Variants in CHN2 observed in about 807,000 individuals in gnomAD.
The protein encoded by CHN2 is beta-chimaerin.
In CHN2, 35 loss-of-function variants were observed where a neutral mutation model predicts 56.3. The ratio of observed to expected loss-of-function variants is 0.62; its 90% CI spans 0.47 to 0.82. The LOEUF (loss-of-function observed/expected upper bound fraction) is 0.82. Ranked by LOEUF, CHN2 falls within the 40% of genes least tolerant of loss-of-function variation. The pLI is 0.00. For synonymous variants in CHN2, 210 were observed against 212.8 expected (o/e 0.99, Z 0.12); for missense variants, 491 against 580.5 (o/e 0.85, Z 1.58).
intron 6 of CHN2, among the ~76,000 whole-genome samples, chr7:29,473,488 G>A (rs1353468054): frequency 8.0e-5 from 5 of 62,240 alleles, no homozygotes; most frequent in Non-Finnish European, 1.3e-4. Context: ...TTTTTTGTGT[G>A]TGTGTGTGTG....
rs373257142 is a variant in CHN2, at chr7:29,512,547, A to G, written c.1236-17A>G. 833 of 1,605,110 alleles carry G rather than the reference A, an allele frequency of 5.2e-4. 12 individuals are homozygous for G. The highest frequency in any genetic ancestry group is 4.6e-3 in the South Asian group (415 of 89,906). On this transcript the variant is annotated splice_polypyrimidine_tract_variant and intron_variant, in intron 12 of 12. Transcript: ENST00000222792. ...CAAGTCTCCATAATGTCTCTGTTCT[A>G]TATGTTTGTTTTGCAGGGTTACTAT... is the stretch of plus-strand genomic sequence containing the variant.
At chr7:29,320,340 G>A (rs1356556915) in intron 1 of CHN2, among the ~76,000 whole-genome samples, 1 of 152,082 alleles carries the variant, frequency 6.6e-6, no homozygotes, top group Non-Finnish European at 1.5e-5. Flanking sequence ...ATATCCATTT[G>A]TCACCCCCTC....
intron 1 of CHN2, among the ~76,000 whole-genome samples, chr7:29,244,431 A>G (rs192309223): frequency 2.6e-3 from 396 of 152,274 alleles, no homozygotes; most frequent in Non-Finnish European, 4.1e-3. Flanking sequence ...ATTTCAAAGC[A>G]AGCATTTTTG....
At chr7:29,236,177 AGAAGTACAAG>A (rs1187671204) in intron 1 of CHN2, among the ~76,000 whole-genome samples, 1 of 152,252 alleles carries the variant, frequency 6.6e-6, no homozygotes, top group African/African-American at 2.4e-5. Flanking sequence ...AAAGGAGTTT[AGAAGTACAAG>A]GAGAGCCTGA....
intron 6 of CHN2, among the ~76,000 whole-genome samples, chr7:29,472,589 GA>G (rs928433703): frequency 3.4e-5 from 5 of 148,982 alleles, no homozygotes; most frequent in South Asian, 2.1e-4. Flanking sequence ...TGGGCCAAGG[GA>G]AAAAAAAAGA....
intron 7 of CHN2, among the ~76,000 whole-genome samples, chr7:29,488,222 A>G: frequency 6.6e-6 from 1 of 152,204 alleles, no homozygotes; most frequent in East Asian, 1.9e-4. Flanking sequence ...CGTACATCTG[A>G]AAAGGGTCAC....
intron 6 of CHN2, among the ~76,000 whole-genome samples, chr7:29,444,336 A>T (rs1158496348): frequency 6.6e-6 from 1 of 152,170 alleles, no homozygotes; most frequent in Non-Finnish European, 1.5e-5. Flanking sequence ...ACCAAGAAGC[A>T]TTTGCCGATG....
chr7:29,432,784 GT>G (rs1236771242), intron 6 of CHN2, among the ~76,000 whole-genome samples: 6 of 152,138 alleles, frequency 3.9e-5, no homozygotes, highest in Non-Finnish European at 2.9e-5. Context: ...TCTCGTTGTT[GT>G]TTTGTTCATC....
rs1018057164 is a variant in CHN2, at chr7:29,352,540, G to A, written c.50-2085G>A. Among the ~76,000 whole-genome samples the A allele has an allele frequency of 6.6e-5, 10 of 152,140 alleles. 1 individual carries two copies. In the South Asian group the frequency reaches 1.2e-3, roughly 19 times the overall value. On this transcript the variant is annotated intron_variant, in intron 1 of 12. Coordinates refer to ENST00000222792, the MANE Select transcript of CHN2 (RefSeq NM_004067.4). ...AATTCAAGACCAGCCTGGCCAACGC[G>A]GTGAAACTCCATCTCTATTAAAAAA...
At chr7:29,244,591 T>C (rs770214208) in intron 1 of CHN2, among the ~76,000 whole-genome samples, 1 of 152,218 alleles carries the variant, frequency 6.6e-6, no homozygotes, top group Non-Finnish European at 1.5e-5. Context: ...TAGAAATGTC[T>C]GCCTTGGGTA....
At position 29,369,984 on chromosome 7, in the gene CHN2, G is replaced by A. The variant is rs553029876; in HGVS notation, c.144+1997G>A. ...CCATTTCTGCCACGAAACCTAACGT[G>A]AAATGGAGATTCATCAGCTCCCTTT... On this transcript the variant is annotated intron_variant, in intron 3 of 12. Transcript: ENST00000222792. 2.5e-4 allele frequency among the ~76,000 whole-genome samples: 38 copies of A among 152,312 alleles called. 1 individual carries two copies. The South Asian group carries it at 7.1e-3, about 28-fold the overall frequency.
chr7:29,412,413 C>T (rs923181846), intron 6 of CHN2, among the ~76,000 whole-genome samples: 2 of 136,146 alleles, frequency 1.5e-5, no homozygotes, highest in African/African-American at 5.6e-5. Flanking sequence ...CTGACTGCAA[C>T]CTTCATCTCC....
intron 7 of CHN2, among the ~76,000 whole-genome samples, chr7:29,488,832 AC>A (rs1303867269): frequency 6.6e-6 from 1 of 152,212 alleles, no homozygotes; most frequent in Non-Finnish European, 1.5e-5. Flanking sequence ...GACCCCCACA[AC>A]AAAGAATTTT....
At chr7:29,292,300 T>G (rs1447332194) in intron 1 of CHN2, among the ~76,000 whole-genome samples, 1 of 152,130 alleles carries the variant, frequency 6.6e-6, no homozygotes, top group East Asian at 1.9e-4. Context: ...GAAGCTGGAG[T>G]GCTCCGAGAC....
chr7:29,206,324 C>T (rs192880428), intron 1 of CHN2, among the ~76,000 whole-genome samples: 2 of 152,116 alleles, frequency 1.3e-5, no homozygotes, highest in South Asian at 4.2e-4. Flanking sequence ...CTCTATCGCC[C>T]AGGCTGGAGT....
intron 1 of CHN2, among the ~76,000 whole-genome samples, chr7:29,282,373 C>T (rs917846857): frequency 6.6e-6 from 1 of 152,226 alleles, no homozygotes; most frequent in Non-Finnish European, 1.5e-5. Context: ...CTTACAGCTA[C>T]AGCTGTTGGC....
intron 6 of CHN2, among the ~76,000 whole-genome samples, chr7:29,477,257 C>T (rs557654472): frequency 6.6e-6 from 1 of 152,314 alleles, no homozygotes; most frequent in East Asian, 1.9e-4. Context: ...GGTTCCTTCA[C>T]TTGTCTGAAT....
intron 6 of CHN2, among the ~76,000 whole-genome samples, chr7:29,430,543 C>T (rs1435201883): frequency 4.6e-5 from 7 of 152,184 alleles, no homozygotes; most frequent in East Asian, 3.9e-4. Context: ...ACAGCTGGGC[C>T]GTGGCCTTTT....
intron 2 of CHN2, among the ~76,000 whole-genome samples, chr7:29,153,464 C>G (rs902530186): frequency 2.6e-5 from 4 of 152,238 alleles, no homozygotes; most frequent in South Asian, 2.1e-4. Context: ...CCCTCTTCTT[C>G]CTTCTTCTCC....
Sources: gnomAD v4.1 joint callset for allele counts (sites outside exome capture counted in the v4.1 genomes callset) on GRCh38, gnomAD v4.1.1 for gene constraint, MANE v1.5 for transcripts, NCBI Gene and HGNC (gene_info 2026-07-23, HGNC 2026-07-21) for gene names.